NSRP1: variants seen among roughly 807,000 people sequenced by gnomAD.
NSRP1 encodes nuclear speckle splicing regulatory protein 1.
NSRP1 carries 24 observed loss-of-function variants against 54.7 expected under a neutral mutation model. The observed-to-expected ratio is 0.44, with a 90% CI of 0.32 to 0.62. The LOEUF is 0.62. Ranked by LOEUF, NSRP1 falls within the 20% of genes least tolerant of loss-of-function variation. The pLI, the probability that NSRP1 is intolerant of heterozygous loss-of-function variation, is 0.06. For missense variants in NSRP1, 596 were observed against 651.2 expected (o/e 0.92, Z 0.92); for synonymous variants, 210 against 213.8 (o/e 0.98, Z 0.15).
intron 2 of NSRP1, among the ~76,000 whole-genome samples, chr17:30,152,016 G>T (rs1193808399): frequency 6.6e-6 from 1 of 151,878 alleles, no homozygotes; most frequent in Non-Finnish European, 1.5e-5. Flanking sequence ...TGATCTACCT[G>T]CCTCGGTCTC....
Position 30,118,146 on chromosome 17 carries a change from T to C in NSRP1, c.87T>C (p.Phe29=). 1 of 1,613,902 alleles carries C rather than the reference T, an allele frequency of 6.2e-7. No homozygotes were observed. The highest frequency in any genetic ancestry group is 8.5e-7 in the Non-Finnish European group (1 of 1,179,854). Residue 29 remains phenylalanine (F), a synonymous_variant, in exon 2 of 7, where the codon TTT becomes TTC. Coordinates refer to ENST00000247026, the MANE Select transcript of NSRP1 (RefSeq NM_032141.4). ...CTGTTTTGCAAAAACCATCAGTGTTTGGGAATGATTCTGATGATGATGATG... is the reference window on the plus strand; with the variant it reads ...CTGTTTTGCAAAAACCATCAGTGTTCGGGAATGATTCTGATGATGATGATG... ...LHPVLQKPSV[F]GNDSDDDDET... is the part of the protein sequence containing the mutation.
chr17:30,126,200 G>A (rs556616942), intron 2 of NSRP1: 2 of 152,170 alleles, frequency 1.3e-5, no homozygotes, highest in Non-Finnish European at 2.9e-5. Flanking sequence ...AATCTAAAGT[G>A]CTAATCTTGA....
chr17:30,148,360 G>T (rs1243414183), intron 2 of NSRP1, among the ~76,000 whole-genome samples: 1 of 152,154 alleles, frequency 6.6e-6, no homozygotes, highest in Admixed American at 6.5e-5. Context: ...TCTATAAGTG[G>T]GAAAGGCTTT....
intron 2 of NSRP1, among the ~76,000 whole-genome samples, chr17:30,145,527 G>A (rs555997430): frequency 3.3e-5 from 5 of 152,188 alleles, no homozygotes; most frequent in African/African-American, 9.6e-5. Flanking sequence ...AGGTTGCAGC[G>A]AGCCGAGATC....
chr17:30,119,601 C>G (rs1183941828), intron 2 of NSRP1, among the ~76,000 whole-genome samples: 1 of 151,756 alleles, frequency 6.6e-6, no homozygotes. Flanking sequence ...CTCCTGGGTT[C>G]AAGCGTTTCT....
chr17:30,177,795 G>C (rs1905176501), intron 3 of NSRP1, among the ~76,000 whole-genome samples: 1 of 152,100 alleles, frequency 6.6e-6, no homozygotes, highest in African/African-American at 2.4e-5. Flanking sequence ...TAACAGCTTA[G>C]AATGTAAATA....
At chr17:30,140,520 CTTTTTTTTTTTT>C (rs10608409) in intron 2 of NSRP1, among the ~76,000 whole-genome samples, 11 of 50,316 alleles carry the variant, frequency 2.2e-4, no homozygotes, top group East Asian at 1.7e-3. Flanking sequence ...TCAGATTTTA[CTTTTTTTTTTTT>C]TTTTTTTTTT....
chr17:30,133,188 A>G (rs1266145236), intron 2 of NSRP1, among the ~76,000 whole-genome samples: 1 of 151,016 alleles, frequency 6.6e-6, no homozygotes, highest in Non-Finnish European at 1.5e-5. Flanking sequence ...CCTGAGCTCA[A>G]GCAATCTACC....
At chr17:30,178,493 C>T (rs1029702415) in intron 4 of NSRP1, among the ~76,000 whole-genome samples, 6 of 152,084 alleles carry the variant, frequency 3.9e-5, no homozygotes, top group African/African-American at 1.2e-4. Flanking sequence ...TGTTCCTGCC[C>T]TGTGTATGTT....
At chr17:30,123,201 C>T (rs1004738954) in intron 2 of NSRP1, among the ~76,000 whole-genome samples, 1 of 152,116 alleles carries the variant, frequency 6.6e-6, no homozygotes, top group African/African-American at 2.4e-5. Flanking sequence ...CTGGGTTCAA[C>T]CAGTTTCCCT....
At chr17:30,129,923 C>T (rs2071684401) in intron 2 of NSRP1, among the ~76,000 whole-genome samples, 1 of 152,044 alleles carries the variant, frequency 6.6e-6, no homozygotes, top group Non-Finnish European at 1.5e-5. Context: ...CCGAGTATAT[C>T]AAACAGTGAG....
At chr17:30,151,774 C>CTTTTTTT (rs780507533) in intron 2 of NSRP1, among the ~76,000 whole-genome samples, 4 of 48,892 alleles carry the variant, frequency 8.2e-5, no homozygotes, top group East Asian at 6.8e-4. Context: ...TTGTCACTTT[C>CTTTTTTT]TTTTTTTTTT....
At chr17:30,134,275 T>C (rs1345059272) in intron 2 of NSRP1, among the ~76,000 whole-genome samples, 1 of 152,168 alleles carries the variant, frequency 6.6e-6, no homozygotes, top group African/African-American at 2.4e-5. Context: ...ACACCAAAGA[T>C]TGTTGATTAC....
At chr17:30,146,227 T>C (rs2071853863) in intron 2 of NSRP1, among the ~76,000 whole-genome samples, 5 of 152,168 alleles carry the variant, frequency 3.3e-5, no homozygotes, top group Admixed American at 3.3e-4. Context: ...TTTTTCAAAC[T>C]TGATCAAACT....
intron 2 of NSRP1, chr17:30,122,607 G>A (rs1230865447): frequency 2.0e-5 from 3 of 150,536 alleles, no homozygotes; most frequent in African/African-American, 7.3e-5. Flanking sequence ...TTTCACCATG[G>A]TGGCCAGCCT....
In NSRP1 at chr17:30,185,771, G is replaced by T; in HGVS notation, c.*97G>T. The T allele has an allele frequency of 7.7e-7, 1 of 1,305,756 alleles. No individual in the cohort carries two copies. The highest frequency in any genetic ancestry group is 1.8e-5 in the South Asian group (1 of 56,260). 80.9% of individuals were successfully genotyped at this position (1,305,756 alleles called of 1,614,324 possible). A position where few individuals can be genotyped will look rare whatever the true frequency, so the allele number is the denominator to read the frequency against. On this transcript the variant is annotated 3_prime_UTR_variant, in exon 7 of 7. Coordinates refer to ENST00000247026, the MANE Select transcript of NSRP1 (RefSeq NM_032141.4). ...TAAAGGAGTGTGTTACCAGTAGTTT[G>T]GAGGGCATTTTTAAATTTATTTTCA...
intron 6 of NSRP1, 37 bp downstream of exon 6, chr17:30,181,053 A>G (rs757707216): frequency 2.4e-6 from 3 of 1,232,400 alleles, no homozygotes; most frequent in East Asian, 4.7e-5. Flanking sequence ...GAAGAAAAAT[A>G]CTGTTAATAA....
At chr17:30,124,179 T>TG (rs1275291016) in intron 2 of NSRP1, among the ~76,000 whole-genome samples, 3 of 151,878 alleles carry the variant, frequency 2.0e-5, no homozygotes, top group East Asian at 3.9e-4. Flanking sequence ...TGGGGAGAAT[T>TG]GCTTGAGCCC....
intron 2 of NSRP1, among the ~76,000 whole-genome samples, chr17:30,119,555 T>C (rs763467751): frequency 5.9e-5 from 9 of 151,542 alleles, no homozygotes; most frequent in African/African-American, 1.2e-4. Context: ...CAGGCTGGAG[T>C]GCAGTGGTGC....
Sources: allele counts gnomAD v4.1 joint callset (sites outside exome capture counted in the v4.1 genomes callset), GRCh38; gene constraint gnomAD v4.1.1; transcripts MANE v1.5; gene names NCBI Gene and HGNC (gene_info 2026-07-23, HGNC 2026-07-21).